CLVS2: variants seen among roughly 807,000 people sequenced by gnomAD.
CLVS2 encodes the protein clavesin-2.
Under a neutral mutation model 29.0 loss-of-function variants are expected in CLVS2, and 19 were observed. That is an observed-to-expected ratio of 0.66 (90% CI 0.46 to 0.96). The LOEUF (loss-of-function observed/expected upper bound fraction) is 0.96, where lower values mean the gene tolerates loss of function less well. CLVS2 is among the 40% of genes least tolerant of loss of function. The pLI is 0.00. For synonymous variants in CLVS2, 161 were observed against 151.3 expected, an observed-to-expected ratio of 1.06 and a Z score of -0.47; for missense variants, 294 against 404.1, an observed-to-expected ratio of 0.73 and a Z score of 2.34.
At chr6:123,033,364 A>C (rs977395556) in intron 3 of CLVS2, among the ~76,000 whole-genome samples, 3 of 152,104 alleles carry the variant, frequency 2.0e-5, no homozygotes, top group Non-Finnish European at 4.4e-5. Flanking sequence ...TAACAATGGG[A>C]TAAACATAGA....
chr6:123,009,571 C>A (rs948157841), intron 2 of CLVS2, among the ~76,000 whole-genome samples: 1 of 152,064 alleles, frequency 6.6e-6, no homozygotes, highest in Non-Finnish European at 1.5e-5. Context: ...GCCTTCCTAA[C>A]GAACTCATCA....
At chr6:123,056,528 A>G (rs1443794503) in intron 5 of CLVS2, among the ~76,000 whole-genome samples, 1 of 152,198 alleles carries the variant, frequency 6.6e-6, no homozygotes, top group Non-Finnish European at 1.5e-5. Context: ...TCTGTCAATT[A>G]AGGAAAAGAT....
At chr6:122,996,810 T>G (rs1025200315) in intron 1 of CLVS2, 64 bp downstream of exon 1, 1 of 162,764 alleles carries the variant, frequency 6.1e-6, no homozygotes, top group African/African-American at 2.4e-5. Flanking sequence ...AAGGACATTT[T>G]TATTTTATTC....
At chr6:122,996,951 G>A (rs895805058) in intron 1 of CLVS2, among the ~76,000 whole-genome samples, 2 of 149,046 alleles carry the variant, frequency 1.3e-5, no homozygotes, top group Admixed American at 6.7e-5. Flanking sequence ...GCTAGAGGAA[G>A]GCAGAAGTTG....
At chr6:123,005,113 C>T (rs4243495) in intron 2 of CLVS2, among the ~76,000 whole-genome samples, 110,702 of 151,544 alleles carry the variant, frequency 0.73, 40,889 homozygotes, top group East Asian at 0.91. Flanking sequence ...GTTTAATTTT[C>T]TCTGAGACCC....
At chr6:123,008,003 T>C (rs1209876642) in intron 2 of CLVS2, among the ~76,000 whole-genome samples, 1 of 152,092 alleles carries the variant, frequency 6.6e-6, no homozygotes, top group African/African-American at 2.4e-5. Flanking sequence ...AATTCATAGA[T>C]GCTACATTTC....
chr6:123,032,903 T>C (rs182478701), intron 3 of CLVS2, among the ~76,000 whole-genome samples: 87 of 152,264 alleles, frequency 5.7e-4, no homozygotes, highest in African/African-American at 2.0e-3. Flanking sequence ...GTCCAAGGCA[T>C]TATGGGTATT....
chr6:123,014,613 C>T (rs1447336081), intron 3 of CLVS2, among the ~76,000 whole-genome samples: 12 of 152,112 alleles, frequency 7.9e-5, no homozygotes, highest in African/African-American at 2.2e-4. Context: ...AGAAATGATA[C>T]GTCTTCTACC....
At chr6:123,036,170 A>C (rs757858843) in intron 3 of CLVS2, among the ~76,000 whole-genome samples, 24 of 152,312 alleles carry the variant, frequency 1.6e-4, no homozygotes, top group Non-Finnish European at 3.2e-4. Context: ...CATGAACTGC[A>C]TGATGGTTCA....
At chr6:123,006,481 A>G (rs1290134432) in intron 2 of CLVS2, among the ~76,000 whole-genome samples, 1 of 152,214 alleles carries the variant, frequency 6.6e-6, no homozygotes, top group Non-Finnish European at 1.5e-5. Flanking sequence ...AGAGAAAGAA[A>G]AAGAGACACA....
chr6:123,045,953 C>T (rs1228224620), intron 3 of CLVS2, among the ~76,000 whole-genome samples: 2 of 151,956 alleles, frequency 1.3e-5, no homozygotes, highest in Non-Finnish European at 2.9e-5. Flanking sequence ...GGGAAGGCCA[C>T]AGTAGGTGTG....
intron 2 of CLVS2, among the ~76,000 whole-genome samples, chr6:123,005,362 T>C (rs1266404276): frequency 6.6e-6 from 1 of 152,096 alleles, no homozygotes; most frequent in Non-Finnish European, 1.5e-5. Flanking sequence ...CCCCTCCCCC[T>C]AGCACCTTCT....
intron 2 of CLVS2, among the ~76,000 whole-genome samples, chr6:123,005,762 C>T (rs1774659138): frequency 6.6e-6 from 1 of 152,136 alleles, no homozygotes; most frequent in African/African-American, 2.4e-5. Context: ...CACCCCTCCA[C>T]AGTGTGGCAG....
chr6:123,007,027 C>T (rs914993688), intron 2 of CLVS2, among the ~76,000 whole-genome samples: 9 of 152,246 alleles, frequency 5.9e-5, no homozygotes, highest in African/African-American at 2.2e-4. Context: ...GCAATAATCG[C>T]AGAAAATATT....
intron 4 of CLVS2, among the ~76,000 whole-genome samples, chr6:123,054,905 A>G (rs1208903909): frequency 6.6e-6 from 1 of 152,142 alleles, no homozygotes; most frequent in Non-Finnish European, 1.5e-5. Context: ...AAACAGAGTC[A>G]TCTATTATAC....
intron 3 of CLVS2, among the ~76,000 whole-genome samples, chr6:123,017,030 C>T (rs1774845222): frequency 6.6e-6 from 1 of 151,924 alleles, no homozygotes; most frequent in Non-Finnish European, 1.5e-5. Context: ...TTTGCTTATT[C>T]AGTCCTTCAA....
chr6:123,045,054 G>T (rs1772464731), intron 3 of CLVS2, among the ~76,000 whole-genome samples: 1 of 152,028 alleles, frequency 6.6e-6, no homozygotes, highest in South Asian at 2.1e-4. Context: ...CCATTTTACA[G>T]ATAAGGAAAT....
chr6:123,009,566 C>G (rs1774719670), intron 2 of CLVS2, among the ~76,000 whole-genome samples: 1 of 152,024 alleles, frequency 6.6e-6, no homozygotes, highest in South Asian at 2.1e-4. Flanking sequence ...ATACTGCCTT[C>G]CTAACGAACT....
At chr6:123,028,969 G>C (rs996194554) in intron 3 of CLVS2, among the ~76,000 whole-genome samples, 1 of 152,108 alleles carries the variant, frequency 6.6e-6, no homozygotes. Context: ...GGGTCATAAA[G>C]GTGGAGCCCT....
Sources: gnomAD v4.1 joint callset for allele counts (sites outside exome capture counted in the v4.1 genomes callset) on GRCh38, gnomAD v4.1.1 for gene constraint, MANE v1.5 for transcripts, NCBI Gene and HGNC (gene_info 2026-07-23, HGNC 2026-07-21) for gene names.